Variants in TSHZ1 observed in about 807,000 individuals in gnomAD.
TSHZ1 encodes teashirt zinc finger homeobox 1.
TSHZ1 carries 12 observed loss-of-function variants against 67.1 expected under a neutral mutation model. That is an observed-to-expected ratio of 0.18 (90% CI 0.11 to 0.29). The LOEUF is 0.29. Ranked by LOEUF, TSHZ1 falls within the 10% of genes least tolerant of loss-of-function variation. The pLI is 1.00. For missense variants in TSHZ1, 1,305 were observed against 1,413.9 expected, an observed-to-expected ratio of 0.92 and a Z score of 1.23; for synonymous variants, 632 against 622.4, an observed-to-expected ratio of 1.02 and a Z score of -0.23.
chr18:75,263,302 C>T (rs1049532014), intron 1 of TSHZ1, among the ~76,000 whole-genome samples: 5 of 152,144 alleles, frequency 3.3e-5, no homozygotes, highest in African/African-American at 1.2e-4. Context: ...CCGTGAAGTG[C>T]TAGGTCTACC....
At chr18:75,276,375 A>G (rs2023613941) in intron 1 of TSHZ1, among the ~76,000 whole-genome samples, 1 of 151,972 alleles carries the variant, frequency 6.6e-6, no homozygotes, top group South Asian at 2.1e-4. Context: ...AAGGAATCAG[A>G]ACGATGTTAG....
At chr18:75,276,990 A>G (rs1024998186) in intron 1 of TSHZ1, among the ~76,000 whole-genome samples, 2 of 152,198 alleles carry the variant, frequency 1.3e-5, no homozygotes, top group African/African-American at 4.8e-5. Context: ...TCAGGCCTCC[A>G]AAGAGCTCTT....
intron 1 of TSHZ1, among the ~76,000 whole-genome samples, chr18:75,230,852 C>A (rs7240600): frequency 6.6e-6 from 1 of 152,058 alleles, no homozygotes; most frequent in Non-Finnish European, 1.5e-5. Flanking sequence ...ACTCTTCCAA[C>A]GCTGTATTTT....
chr18:75,216,780 T>G (rs2639974), intron 1 of TSHZ1, among the ~76,000 whole-genome samples: 60,024 of 152,006 alleles, frequency 0.39, 12,665 homozygotes, highest in African/African-American at 0.55. Flanking sequence ...AGGCTTACGT[T>G]TCAACAGAGA....
chr18:75,285,395 T>G (rs889814747), intron 1 of TSHZ1, 53 bp from the exon 2 acceptor site: 2 of 1,417,418 alleles, frequency 1.4e-6, no homozygotes, highest in African/African-American at 2.9e-5. Context: ...GGGGAGGCTG[T>G]CTCTTTGAAG....
chr18:75,264,535 G>T (rs2023468267), intron 1 of TSHZ1, among the ~76,000 whole-genome samples: 2 of 150,698 alleles, frequency 1.3e-5, no homozygotes, highest in South Asian at 2.1e-4. Context: ...AAGGGAAAGG[G>T]CTATTTAAAA....
intron 1 of TSHZ1, among the ~76,000 whole-genome samples, chr18:75,227,789 C>T (rs185859161): frequency 8.3e-4 from 127 of 152,348 alleles, no homozygotes; most frequent in Admixed American, 3.0e-3. Flanking sequence ...AGCCATTGCT[C>T]AGGAGTGGCT....
intron 1 of TSHZ1, among the ~76,000 whole-genome samples, chr18:75,253,544 T>G (rs2122570417): frequency 6.6e-6 from 1 of 152,374 alleles, no homozygotes; most frequent in African/African-American, 2.4e-5. Context: ...AGCAGAAATT[T>G]TACTTGGGTA....
Position 75,271,046 on chromosome 18 carries a change from C to T in TSHZ1, c.41-14402C>T, listed in dbSNP as rs1408660073. ...AAATGGGATAGAATTTGTTTTGTTT[C>T]TTATGCCCCATGAATGCATCATTTA... On this transcript the variant is annotated intron_variant, in intron 1 of 1. Transcript: ENST00000580243. 2.6e-5 allele frequency among the ~76,000 whole-genome samples: 4 copies of T among 152,284 alleles called. No homozygotes were observed. The East Asian group carries it at 7.7e-4, about 29-fold the overall frequency.
intron 1 of TSHZ1, among the ~76,000 whole-genome samples, chr18:75,244,242 C>T (rs1419658131): frequency 7.9e-5 from 12 of 152,144 alleles, no homozygotes; most frequent in Admixed American, 6.5e-4. Context: ...CTTCCACCCA[C>T]GGTTGTGCCC....
At chr18:75,280,215 C>A (rs954049938) in intron 1 of TSHZ1, among the ~76,000 whole-genome samples, 2 of 152,226 alleles carry the variant, frequency 1.3e-5, no homozygotes, top group African/African-American at 4.8e-5. Context: ...TAGACCGTGG[C>A]AAGTTTTATG....
intron 1 of TSHZ1, among the ~76,000 whole-genome samples, chr18:75,224,059 T>A (rs1372413584): frequency 5.1e-5 from 2 of 39,158 alleles, no homozygotes; most frequent in Non-Finnish European, 1.2e-4. Flanking sequence ...AGTTTAAACT[T>A]GTAAAAAAAA....
At chr18:75,279,238 C>T (rs56280961) in intron 1 of TSHZ1, among the ~76,000 whole-genome samples, 2,601 of 151,982 alleles carry the variant, frequency 0.017, 27 homozygotes, top group Non-Finnish European at 0.025. Context: ...TATGCTTCCT[C>T]GCATCTCTTG....
intron 1 of TSHZ1, among the ~76,000 whole-genome samples, chr18:75,216,894 C>T (rs1358900991): frequency 1.3e-5 from 2 of 152,162 alleles, no homozygotes; most frequent in African/African-American, 2.4e-5. Context: ...GGGACCCACT[C>T]CTGTTTCTGC....
intron 1 of TSHZ1, among the ~76,000 whole-genome samples, chr18:75,248,729 G>A (rs976931797): frequency 2.0e-5 from 3 of 152,170 alleles, no homozygotes; most frequent in South Asian, 2.1e-4. Context: ...ATAGATATAC[G>A]TTTACTTGCC....
chr18:75,233,353 C>T (rs546604360), intron 1 of TSHZ1, among the ~76,000 whole-genome samples: 23 of 152,274 alleles, frequency 1.5e-4, no homozygotes, highest in African/African-American at 4.6e-4. Context: ...TTAGGAAAAA[C>T]CTGAAAACTT....
In TSHZ1 at chr18:75,285,707, G is replaced by A. The variant is rs373368391; in HGVS notation, c.300G>A (p.Pro100=). Residue 100 remains proline, a synonymous_variant, in exon 2 of 2, where the codon CCG becomes CCA. Coordinates refer to ENST00000580243, the MANE Select transcript of TSHZ1 (RefSeq NM_001308210.2). ...CCTCTCGAGAAGAGAAGGAGGATCC[G>A]CAGTGTCCCGACAGCGTCTCGTACC... is the stretch of plus-strand genomic sequence containing the variant. ...GSSSREEKED[P]QCPDSVSYPQ... is the part of the protein sequence containing the mutation. 4.8e-5 allele frequency: 78 copies of A among 1,613,938 alleles called. No individual in the cohort carries two copies. The highest frequency in any genetic ancestry group is 2.4e-4 in the South Asian group (22 of 91,080).
intron 1 of TSHZ1, among the ~76,000 whole-genome samples, chr18:75,252,909 G>T (rs139255670): frequency 6.6e-6 from 1 of 152,006 alleles, no homozygotes; most frequent in East Asian, 1.9e-4. Flanking sequence ...TTTTTTCAAT[G>T]AATACTTTTT....
rs953810465 is a variant in TSHZ1, at chr18:75,232,192, C to T, written c.40+20276C>T. ...CCTCCCAAAGTGCTGGGATTACAGG[C>T]GTGAGCCACTGCGCCCGGACTTTTT... On this transcript the variant is annotated intron_variant, in intron 1 of 1. Coordinates refer to ENST00000580243, the MANE Select transcript of TSHZ1 (RefSeq NM_001308210.2). 5.3e-5 allele frequency among the ~76,000 whole-genome samples: 8 copies of T among 152,202 alleles called. 1 individual carries two copies. The highest frequency in any genetic ancestry group is 8.8e-5 in the Non-Finnish European group (6 of 68,040).
Sources: gnomAD v4.1 joint callset for allele counts (sites outside exome capture counted in the v4.1 genomes callset) on GRCh38, gnomAD v4.1.1 for gene constraint, MANE v1.5 for transcripts, NCBI Gene and HGNC (gene_info 2026-07-23, HGNC 2026-07-21) for gene names.